The following NCKAP5 variants were observed in gnomAD, a reference collection of about 807,000 sequenced individuals.
NCKAP5 encodes NCK associated protein 5, also known as nck-associated protein 5.
NCKAP5 carries 92 observed loss-of-function variants against 167.0 expected under a neutral mutation model. The ratio of observed to expected loss-of-function variants is 0.55; its 90% CI spans 0.47 to 0.66. The LOEUF (loss-of-function observed/expected upper bound fraction) is 0.66. NCKAP5 is among the 30% of genes least tolerant of loss of function. The probability of loss-of-function intolerance (pLI) is 0.00; values close to 1 mark genes in which losing one functional copy is unlikely to be tolerated. For synonymous variants in NCKAP5, 891 were observed against 877.4 expected (o/e 1.02, Z -0.27); for missense variants, 2,378 against 2,315.0 (o/e 1.03, Z -0.56).
chr2:133,468,447 G>C (rs561462062), intron 3 of NCKAP5, among the ~76,000 whole-genome samples: 65 of 150,888 alleles, frequency 4.3e-4, no homozygotes, highest in African/African-American at 1.5e-3. Flanking sequence ...GGTCAATTTT[G>C]GAATAGGTGT....
chr2:133,235,768 G>A (rs1427779619), intron 4 of NCKAP5, among the ~76,000 whole-genome samples: 1 of 152,000 alleles, frequency 6.6e-6, no homozygotes, highest in Non-Finnish European at 1.5e-5. Flanking sequence ...GCCAGGCATG[G>A]TGGCATGCAC....
intron 11 of NCKAP5, among the ~76,000 whole-genome samples, chr2:132,827,559 C>A (rs1409147220): frequency 6.6e-6 from 1 of 152,140 alleles, no homozygotes; most frequent in Non-Finnish European, 1.5e-5. Context: ...CGCAACTTCC[C>A]TATGGGGTGG....
At chr2:133,507,937 G>A (rs998379793) in intron 3 of NCKAP5, among the ~76,000 whole-genome samples, 2 of 152,170 alleles carry the variant, frequency 1.3e-5, no homozygotes, top group African/African-American at 2.4e-5. Context: ...ATTAGTGTAA[G>A]ATACCTAGGC....
chr2:133,529,990 T>A (rs1685230940), intron 2 of NCKAP5, among the ~76,000 whole-genome samples: 1 of 152,214 alleles, frequency 6.6e-6, no homozygotes, highest in Admixed American at 6.5e-5. Context: ...TGGTATAGAA[T>A]GTTATAATTA....
At chr2:133,286,661 A>G (rs929681087) in intron 4 of NCKAP5, among the ~76,000 whole-genome samples, 3 of 152,212 alleles carry the variant, frequency 2.0e-5, no homozygotes, top group Admixed American at 6.5e-5. Flanking sequence ...AAAATATATT[A>G]TGTTTATATT....
intron 3 of NCKAP5, among the ~76,000 whole-genome samples, chr2:133,390,048 C>G (rs904171724): frequency 6.6e-6 from 1 of 152,168 alleles, no homozygotes; most frequent in Non-Finnish European, 1.5e-5. Context: ...CAAAATATAC[C>G]CACAACTAAG....
At chr2:133,026,607 CT>C in intron 6 of NCKAP5, among the ~76,000 whole-genome samples, 2 of 152,270 alleles carry the variant, frequency 1.3e-5, no homozygotes, top group South Asian at 4.1e-4. Context: ...TTTAAACTGG[CT>C]TTATTAGATT....
chr2:132,732,371 A>G (rs1042979175), intron 16 of NCKAP5, among the ~76,000 whole-genome samples: 12 of 152,304 alleles, frequency 7.9e-5, no homozygotes, highest in Admixed American at 5.2e-4. Context: ...CCAACATGGC[A>G]CATGTATACA....
At chr2:132,895,472 A>G (rs527287707) in intron 8 of NCKAP5, among the ~76,000 whole-genome samples, 5 of 152,220 alleles carry the variant, frequency 3.3e-5, no homozygotes, top group African/African-American at 9.6e-5. Context: ...TTTTGTATAT[A>G]TGCAGCATGA....
chr2:133,357,429 C>A (rs1475525038), intron 3 of NCKAP5, among the ~76,000 whole-genome samples: 3 of 151,748 alleles, frequency 2.0e-5, no homozygotes, highest in Admixed American at 2.0e-4. Flanking sequence ...TGCTTGAAAG[C>A]AAATAAATGG....
the NCKAP5 span, among the ~76,000 whole-genome samples, chr2:133,603,961 G>T: frequency 1.3e-5 from 2 of 152,208 alleles, no homozygotes; most frequent in African/African-American, 2.4e-5. Flanking sequence ...TACTCTCAGG[G>T]GCCGGGAAAC....
chr2:132,674,318 A>G (rs935160089), intron 19 of NCKAP5, among the ~76,000 whole-genome samples: 13 of 152,242 alleles, frequency 8.5e-5, no homozygotes, highest in African/African-American at 2.9e-4. Context: ...AAACGACCCC[A>G]TTTTAAAGAG....
Position 132,900,977 on chromosome 2 carries a change from GA to G in NCKAP5, c.580-22062del, listed in dbSNP as rs58885401. Among the ~76,000 whole-genome samples, 474 of 98,702 alleles carry G rather than the reference GA, an allele frequency of 4.8e-3. 1 individual carries two copies. The highest frequency in any genetic ancestry group is 9.1e-3 in the Admixed American group (81 of 8,892). The allele number at this position is 98,702 out of a possible 152,430, so 64.8% of individuals were successfully genotyped here. The stretch of plus-strand genomic sequence containing the variant: ...CAAGACTCTGTCTCAAAAAAAAAAA[GA>G]AAAAAAAAAAAAAAAAAGAACACCA... On this transcript the variant is annotated intron_variant, in intron 8 of 19. Coordinates refer to ENST00000409261, the MANE Select transcript of NCKAP5 (RefSeq NM_207363.3).
rs533945831 is a variant in NCKAP5 at position 133,309,418 on chromosome 2, C to A, written c.70-6308G>T. Among the ~76,000 whole-genome samples, 5 of 152,274 alleles carry A rather than the reference C, an allele frequency of 3.3e-5. No individual in the cohort carries two copies. The East Asian group carries it at 7.7e-4, about 24-fold the overall frequency. On this transcript the variant is annotated intron_variant, in intron 3 of 19. Transcript: ENST00000409261. ...TTGAAACAATGAACCCCCCTTTCCA[C>A]TTGCCCTCGTTAGTGTTCTGATAAA...
intron 7 of NCKAP5, among the ~76,000 whole-genome samples, chr2:132,989,949 G>A (rs1275982028): frequency 6.6e-6 from 1 of 151,994 alleles, no homozygotes; most frequent in Non-Finnish European, 1.5e-5. Flanking sequence ...CGTTGTGTAA[G>A]TGCTTTGCAA....
intron 4 of NCKAP5, chr2:133,268,255 C>A (rs1372195476): frequency 1.3e-5 from 2 of 152,218 alleles, no homozygotes; most frequent in Non-Finnish European, 2.9e-5. Context: ...TAGGCAGAGA[C>A]TGTGTTTTCC....
chr2:132,676,283 CTTTTTTTT>C (rs61213029), intron 19 of NCKAP5, among the ~76,000 whole-genome samples: 31 of 61,132 alleles, frequency 5.1e-4, no homozygotes, highest in South Asian at 5.8e-4. Context: ...TTGTTTTATC[CTTTTTTTT>C]TTTTTTTTTT....
intron 2 of NCKAP5, among the ~76,000 whole-genome samples, chr2:133,528,711 C>T (rs964308199): frequency 2.0e-5 from 3 of 152,152 alleles, no homozygotes; most frequent in African/African-American, 7.2e-5. Context: ...AGGTTTTGCC[C>T]CATGATTCTC....
At chr2:133,647,125 C>A in the NCKAP5 span, among the ~76,000 whole-genome samples, 1 of 151,908 alleles carries the variant, frequency 6.6e-6, no homozygotes, top group Non-Finnish European at 1.5e-5. Context: ...ATTGCTAAGG[C>A]CAGAAGCTCA....
Sources: gnomAD v4.1 joint callset for allele counts (sites outside exome capture counted in the v4.1 genomes callset) on GRCh38, gnomAD v4.1.1 for gene constraint, MANE v1.5 for transcripts, NCBI Gene and HGNC (gene_info 2026-07-23, HGNC 2026-07-21) for gene names.